The following RYR3 variants were observed in gnomAD, a reference collection of about 807,000 sequenced individuals.
RYR3 encodes the protein brain ryanodine receptor-calcium release channel.
In RYR3, 207 loss-of-function variants were observed where a neutral mutation model predicts 584.3. The observed-to-expected ratio is 0.35, with a 90% confidence interval of 0.32 to 0.40. RYR3 has a LOEUF of 0.40. RYR3 is among the 10% of genes least tolerant of loss of function. The pLI, the probability that RYR3 is intolerant of heterozygous loss-of-function variation, is 1.00. For missense variants in RYR3, 5,616 were observed against 6,089.2 expected (o/e 0.92, Z 2.59); for synonymous variants, 2,416 against 2,248.5 (o/e 1.07, Z -2.11).
At chr15:33,350,398 C>T (rs1226057580) in intron 1 of RYR3, among the ~76,000 whole-genome samples, 1 of 152,114 alleles carries the variant, frequency 6.6e-6, no homozygotes, top group East Asian at 1.9e-4. Context: ...CTCAGCTCTG[C>T]ACCAAGTGGA....
At chr15:33,531,983 A>G (rs1256643947) in intron 4 of RYR3, among the ~76,000 whole-genome samples, 3 of 152,178 alleles carry the variant, frequency 2.0e-5, no homozygotes, top group Non-Finnish European at 4.4e-5. Flanking sequence ...AAAGACTTGC[A>G]TTATTTACAT....
intron 3 of RYR3, among the ~76,000 whole-genome samples, chr15:33,518,575 C>A (rs1436373145): frequency 1.3e-5 from 2 of 152,144 alleles, no homozygotes; most frequent in Non-Finnish European, 2.9e-5. Flanking sequence ...TTACTGTCAG[C>A]CCCAGTCGGT....
intron 99 of RYR3, 175 bp downstream of exon 99, chr15:33,858,089 T>A (rs560891841): frequency 4.2e-5 from 36 of 855,924 alleles, no homozygotes; most frequent in Non-Finnish European, 5.9e-5. Flanking sequence ...GAGAGTGTCC[T>A]GGGAAGACAG....
intron 43 of RYR3, among the ~76,000 whole-genome samples, chr15:33,713,738 G>C (rs950365367): frequency 1.3e-5 from 2 of 152,164 alleles, no homozygotes; most frequent in Non-Finnish European, 2.9e-5. Flanking sequence ...GGGAAGTCCA[G>C]GATCAAGGTG....
At chr15:33,785,531 C>A in intron 65 of RYR3, 131 bp from the exon 66 acceptor site, 1 of 720,074 alleles carries the variant, frequency 1.4e-6, no homozygotes, top group Non-Finnish European at 2.2e-6. Flanking sequence ...AGCCACTCCA[C>A]ATCCAAGCTC....
At chr15:33,587,905 T>C (rs558968816) in intron 16 of RYR3, among the ~76,000 whole-genome samples, 2 of 152,306 alleles carry the variant, frequency 1.3e-5, no homozygotes, top group African/African-American at 4.8e-5. Flanking sequence ...TCATCTTTGC[T>C]TGGAAAATGC....
intron 68 of RYR3, among the ~76,000 whole-genome samples, chr15:33,801,180 G>A (rs2075899165): frequency 1.3e-5 from 2 of 152,148 alleles, no homozygotes; most frequent in African/African-American, 4.8e-5. Context: ...CAGGTCATAG[G>A]TGGATTCAAA....
rs142550610 is a variant in RYR3 at position 33,416,956 on chromosome 15, C to T, written c.52-56463C>T. Among the ~76,000 whole-genome samples, 531 of 152,176 alleles carry T rather than the reference C, an allele frequency of 3.5e-3. 6 individuals carry two copies. The highest frequency in any genetic ancestry group is 1.6e-3 in the Non-Finnish European group (106 of 67,992). On this transcript the variant is annotated intron_variant, in intron 1 of 103. Coordinates refer to ENST00000634891, the MANE Select transcript of RYR3 (RefSeq NM_001036.6). Reference sequence around the variant, plus strand: ...ATTTATTAAATAGGGTGTCCTTTCCCCATTGTTTATTTTTGTTGACTTTGT... The same window carrying T: ...ATTTATTAAATAGGGTGTCCTTTCCTCATTGTTTATTTTTGTTGACTTTGT...
At position 33,354,678 on chromosome 15, in the gene RYR3, T is replaced by C. The variant is rs538499951; in HGVS notation, c.51+43582T>C. Among the ~76,000 whole-genome samples the C allele has an allele frequency of 2.6e-5, 4 of 152,320 alleles. No homozygotes were observed. In the South Asian group the frequency reaches 8.3e-4, roughly 32 times the overall value. ...TGTGGGAGTAGTTTCTCACTAACTC[T>C]CACATATACTCTTTATAAAATAAGT... On this transcript the variant is annotated intron_variant, in intron 1 of 103. Transcript: ENST00000634891.
chr15:33,786,075 A>ACAAGC (rs2152908937), intron 66 of RYR3, 93 bp downstream of exon 66: 1 of 1,142,674 alleles, frequency 8.8e-7, no homozygotes. Flanking sequence ...ATGGTTTTGC[A>ACAAGC]CAAGCTCTAT....
intron 74 of RYR3, 52 bp from the exon 75 acceptor site, chr15:33,816,810 A>C: frequency 8.0e-7 from 1 of 1,248,034 alleles, no homozygotes; most frequent in South Asian, 1.3e-5. Context: ...CCAAACTAAA[A>C]GAACAAGTTC....
chr15:33,754,428 G>A (rs1414019069), intron 57 of RYR3, among the ~76,000 whole-genome samples: 4 of 152,116 alleles, frequency 2.6e-5, no homozygotes, highest in Non-Finnish European at 5.9e-5. Context: ...AACCTTCAAC[G>A]CAACATGCAT....
chr15:33,786,772 A>C (rs2074748324), intron 66 of RYR3, among the ~76,000 whole-genome samples: 1 of 152,186 alleles, frequency 6.6e-6, no homozygotes, highest in Admixed American at 6.5e-5. Context: ...CCTGGACATG[A>C]AAACAATGGC....
chr15:33,555,323 G>A (rs1241099178), intron 10 of RYR3, among the ~76,000 whole-genome samples: 3 of 152,110 alleles, frequency 2.0e-5, no homozygotes, highest in African/African-American at 4.8e-5. Flanking sequence ...TTCTCACCAA[G>A]TTATCCACTG....
intron 38 of RYR3, among the ~76,000 whole-genome samples, chr15:33,677,165 A>G (rs1480286400): frequency 6.6e-6 from 1 of 152,006 alleles, no homozygotes; most frequent in Non-Finnish European, 1.5e-5. Flanking sequence ...TGCATTCCGT[A>G]TCCCGGACCC....
intron 43 of RYR3, among the ~76,000 whole-genome samples, chr15:33,719,432 A>T (rs1399219329): frequency 6.6e-6 from 1 of 152,248 alleles, no homozygotes; most frequent in Admixed American, 6.5e-5. Flanking sequence ...TGAATTCAAC[A>T]TGCTGGTAAA....
At chr15:33,769,961 T>A (rs55858479) in intron 62 of RYR3, among the ~76,000 whole-genome samples, 26,582 of 151,290 alleles carry the variant, frequency 0.18, 2,559 homozygotes, top group South Asian at 0.28. Context: ...AAAATATATA[T>A]AAATAAGAGA....
intron 38 of RYR3, among the ~76,000 whole-genome samples, chr15:33,678,244 C>T (rs767636950): frequency 6.6e-6 from 1 of 152,180 alleles, no homozygotes; most frequent in Non-Finnish European, 1.5e-5. Context: ...GTAATCCCCA[C>T]GTGTTGAAGC....
chr15:33,720,078 G>A (rs920510143), intron 43 of RYR3, among the ~76,000 whole-genome samples: 3 of 152,306 alleles, frequency 2.0e-5, no homozygotes, highest in Admixed American at 1.3e-4. Context: ...CTATAAAACC[G>A]TGAATGGAAG....
Sources: allele counts gnomAD v4.1 joint callset (sites outside exome capture counted in the v4.1 genomes callset), GRCh38; gene constraint gnomAD v4.1.1; transcripts MANE v1.5; gene names NCBI Gene and HGNC (gene_info 2026-07-23, HGNC 2026-07-21).